The following SLC8A1 variants were observed in gnomAD, a reference collection of about 807,000 sequenced individuals.
SLC8A1 encodes solute carrier family 8 member A1.
Under a neutral mutation model 68.3 loss-of-function variants are expected in SLC8A1, and 18 were observed. The ratio of observed to expected loss-of-function variants is 0.26; its 90% CI spans 0.18 to 0.39. The LOEUF is 0.39. Among genes scored for constraint, SLC8A1 ranks in the 10% least tolerant of loss-of-function variants. SLC8A1 has a pLI of 1.00. For synonymous variants in SLC8A1, 475 were observed against 415.5 expected, an observed-to-expected ratio of 1.14 and a Z score of -1.74; for missense variants, 985 against 1,156.7, an observed-to-expected ratio of 0.85 and a Z score of 2.15.
intron 2 of SLC8A1, among the ~76,000 whole-genome samples, chr2:40,377,332 C>T (rs1559445376): frequency 6.6e-6 from 1 of 152,046 alleles, no homozygotes; most frequent in Non-Finnish European, 1.5e-5. Flanking sequence ...TCACATAAGA[C>T]CCCAGCCTTG....
At chr2:40,328,892 T>C (rs986572199) in intron 2 of SLC8A1, among the ~76,000 whole-genome samples, 10 of 152,130 alleles carry the variant, frequency 6.6e-5, no homozygotes, top group Non-Finnish European at 5.9e-5. Context: ...CCATTACCAG[T>C]TGCCTTTTAA....
chr2:40,159,875 T>C (rs2045348925), intron 6 of SLC8A1, among the ~76,000 whole-genome samples: 1 of 152,154 alleles, frequency 6.6e-6, no homozygotes, highest in African/African-American at 2.4e-5. Context: ...GAAAAAGGGA[T>C]TTGGGGTAGA....
chr2:40,445,446 G>A (rs944379977), intron 1 of SLC8A1, among the ~76,000 whole-genome samples: 3 of 152,026 alleles, frequency 2.0e-5, no homozygotes, highest in Non-Finnish European at 1.5e-5. Context: ...TCTACACAGG[G>A]AAAGAAAAAG....
At chr2:40,154,463 C>T (rs414648) in intron 6 of SLC8A1, among the ~76,000 whole-genome samples, 18,776 of 143,778 alleles carry the variant, frequency 0.13, 1,345 homozygotes, top group Admixed American at 0.2. Context: ...GCCACCATGC[C>T]CGGCTAATTT....
intron 2 of SLC8A1, among the ~76,000 whole-genome samples, chr2:40,317,931 G>T (rs967116051): frequency 6.6e-6 from 1 of 152,026 alleles, no homozygotes; most frequent in African/African-American, 2.4e-5. Context: ...CATTGCTGTG[G>T]ATATTCAGCA....
intron 2 of SLC8A1, among the ~76,000 whole-genome samples, chr2:40,406,536 A>T (rs750968935): frequency 1.3e-5 from 2 of 152,200 alleles, no homozygotes; most frequent in Non-Finnish European, 2.9e-5. Context: ...GGGTAGGAAA[A>T]TGGGCCATCA....
intron 2 of SLC8A1, among the ~76,000 whole-genome samples, chr2:40,326,162 G>T (rs957520113): frequency 6.6e-6 from 1 of 152,092 alleles, no homozygotes; most frequent in African/African-American, 2.4e-5. Context: ...TCACTCATTT[G>T]CACCAGCCTC....
chr2:40,144,943 A>G (rs973562665), intron 6 of SLC8A1, among the ~76,000 whole-genome samples: 4 of 152,148 alleles, frequency 2.6e-5, no homozygotes, highest in African/African-American at 9.7e-5. Context: ...GTTGAAGTCT[A>G]CTTATTTAAC....
At chr2:40,418,475 T>C (rs563577405) in intron 2 of SLC8A1, among the ~76,000 whole-genome samples, 1 of 152,262 alleles carries the variant, frequency 6.6e-6, no homozygotes, top group East Asian at 1.9e-4. Context: ...CAACAACATG[T>C]CAGGATATTC....
At chr2:40,335,912 A>G (rs1354191890) in intron 2 of SLC8A1, among the ~76,000 whole-genome samples, 8 of 152,260 alleles carry the variant, frequency 5.3e-5, no homozygotes, top group Non-Finnish European at 1.5e-5. Context: ...TTTAGAAAGC[A>G]CTACACTGCT....
rs192447084 is a variant in SLC8A1, at chr2:40,318,329, C to G, written c.1808+110144G>C. 4.7e-4 allele frequency among the ~76,000 whole-genome samples: 71 copies of G among 152,080 alleles called. No individual in the cohort carries two copies. The Middle Eastern group carries it at 0.017, about 36-fold the overall frequency. The stretch of plus-strand genomic sequence containing the variant: ...AGGCTGGGCATCTGTCTTTTAAAAA[C>G]CTCATTCCAGGATATTGTTCTACTT... On this transcript the variant is annotated intron_variant, in intron 2 of 7. Transcript: ENST00000406785.
chr2:40,188,611 A>G (rs912804610), intron 2 of SLC8A1, among the ~76,000 whole-genome samples: 2 of 152,248 alleles, frequency 1.3e-5, no homozygotes, highest in Non-Finnish European at 2.9e-5. Flanking sequence ...TTTCAAAGTA[A>G]AAAGTGTCAA....
At chr2:40,308,867 C>G (rs773049435) in intron 2 of SLC8A1, among the ~76,000 whole-genome samples, 3 of 152,108 alleles carry the variant, frequency 2.0e-5, no homozygotes, top group Non-Finnish European at 4.4e-5. Flanking sequence ...AAAAATAGGA[C>G]TTGCTCTCAG....
intron 2 of SLC8A1, among the ~76,000 whole-genome samples, chr2:40,345,406 T>C (rs1668933570): frequency 6.6e-6 from 1 of 152,088 alleles, no homozygotes; most frequent in Non-Finnish European, 1.5e-5. Context: ...ATACCACATG[T>C]AGGGAAGCAG....
chr2:40,358,483 C>T (rs1173073431), intron 2 of SLC8A1, among the ~76,000 whole-genome samples: 1 of 152,164 alleles, frequency 6.6e-6, no homozygotes, highest in Non-Finnish European at 1.5e-5. Flanking sequence ...TTCATTGAAG[C>T]ATCAAGGAAA....
At chr2:40,290,047 T>G (rs114170892) in intron 2 of SLC8A1, among the ~76,000 whole-genome samples, 1,802 of 152,090 alleles carry the variant, frequency 0.012, 38 homozygotes, top group African/African-American at 0.041. Flanking sequence ...AATAGTGAAC[T>G]TAAAATGACA....
chr2:40,342,910 A>C (rs990572942), intron 2 of SLC8A1, among the ~76,000 whole-genome samples: 1 of 152,176 alleles, frequency 6.6e-6, no homozygotes, highest in Admixed American at 6.5e-5. Flanking sequence ...TAAGATTTAT[A>C]ACTGGGTAAA....
exon 2 of SLC8A1, chr2:40,429,822 T>C: frequency 6.2e-7 from 1 of 1,613,666 alleles, no homozygotes. Context: ...ACACTTCAAT[T>C]ACTGAAAGGA....
intron 2 of SLC8A1, among the ~76,000 whole-genome samples, chr2:40,385,221 G>A (rs1249226039): frequency 1.3e-5 from 2 of 151,950 alleles, no homozygotes; most frequent in African/African-American, 4.8e-5. Context: ...AGATGCAATA[G>A]GAATAATCCT....
Sources: allele counts gnomAD v4.1 joint callset (sites outside exome capture counted in the v4.1 genomes callset), GRCh38; gene constraint gnomAD v4.1.1; transcripts MANE v1.5; gene names NCBI Gene and HGNC (gene_info 2026-07-23, HGNC 2026-07-21).